SHISA9: variants seen among roughly 807,000 people sequenced by gnomAD.
SHISA9 encodes protein shisa-9.
Under a neutral mutation model 38.0 loss-of-function variants are expected in SHISA9, and 13 were observed. The ratio of observed to expected loss-of-function variants is 0.34; its 90% confidence interval spans 0.22 to 0.54. SHISA9 has a LOEUF of 0.54. Ranked by LOEUF, SHISA9 falls within the 20% of genes least tolerant of loss-of-function variation. The probability of loss-of-function intolerance (pLI) is 0.91; values close to 1 mark genes in which losing one functional copy is unlikely to be tolerated. For missense variants in SHISA9, 538 were observed against 575.8 expected (o/e 0.93, Z 0.67); for synonymous variants, 275 against 242.0 (o/e 1.14, Z -1.27).
At chr16:13,534,261 A>G in the SHISA9 span, among the ~76,000 whole-genome samples, 251 of 117,876 alleles carry the variant, frequency 2.1e-3, 1 homozygote, top group African/African-American at 7.8e-3. Context: ...GTTTTGCTCT[A>G]TTGCCTGAGC....
At chr16:12,946,869 G>C (rs1051697567) in intron 2 of SHISA9, among the ~76,000 whole-genome samples, 24 of 152,216 alleles carry the variant, frequency 1.6e-4, no homozygotes, top group African/African-American at 5.8e-4. Context: ...GGGAATTCCT[G>C]CTTGCCCCCT....
chr16:13,073,725 A>T (rs573819052), intron 2 of SHISA9, among the ~76,000 whole-genome samples: 4 of 152,196 alleles, frequency 2.6e-5, no homozygotes, highest in Non-Finnish European at 5.9e-5. Flanking sequence ...CCTCAAACCA[A>T]TGACAAGTGT....
chr16:13,147,525 G>A (rs910593559), intron 2 of SHISA9, among the ~76,000 whole-genome samples: 17 of 135,706 alleles, frequency 1.3e-4, no homozygotes, highest in South Asian at 7.0e-4. Context: ...GTGCAATGGC[G>A]TGATCTTGGC....
At chr16:13,172,864 A>G (rs2050698992) in intron 2 of SHISA9, among the ~76,000 whole-genome samples, 1 of 150,712 alleles carries the variant, frequency 6.6e-6, no homozygotes, top group African/African-American at 2.4e-5. Flanking sequence ...CGAATAATGT[A>G]TTTTGCTTGT....
chr16:12,970,731 C>T (rs2072070479), intron 2 of SHISA9, among the ~76,000 whole-genome samples: 1 of 150,806 alleles, frequency 6.6e-6, no homozygotes, highest in Admixed American at 6.7e-5. Context: ...ACCGTGTTGG[C>T]CAGGCTGGTC....
chr16:13,560,823 A>G, the SHISA9 span, among the ~76,000 whole-genome samples: 40 of 151,550 alleles, frequency 2.6e-4, no homozygotes, highest in Non-Finnish European at 5.4e-4. Context: ...TCCCAGAACA[A>G]AAACATTGTT....
At chr16:13,374,359 C>G in the SHISA9 span, among the ~76,000 whole-genome samples, 2 of 152,142 alleles carry the variant, frequency 1.3e-5, no homozygotes, top group Non-Finnish European at 2.9e-5. Flanking sequence ...TGTTCCCCAC[C>G]TTGTGTCCAA....
Position 12,982,406 on chromosome 16 carries a change from A to T in SHISA9, c.691+65591A>T, listed in dbSNP as rs568472611. On this transcript the variant is annotated intron_variant, in intron 2 of 4. Transcript: ENST00000558583. ...TCAGAAGGTTCTGTTGGACAGCACT[A>T]CACTAGAATATATTGCCTCTCAAGT... Among the ~76,000 whole-genome samples the T allele has an allele frequency of 7.9e-5, 12 of 152,340 alleles. No individual in the cohort carries two copies. The South Asian group carries it at 2.5e-3, about 32-fold the overall frequency.
downstream of SHISA9, among the ~76,000 whole-genome samples, chr16:13,245,396 A>G (rs920432092): frequency 6.6e-6 from 1 of 152,194 alleles, no homozygotes; most frequent in Non-Finnish European, 1.5e-5. Flanking sequence ...ACTTAGAGCT[A>G]CTTACCTATT....
the SHISA9 span, among the ~76,000 whole-genome samples, chr16:13,381,302 A>G: frequency 2.6e-5 from 4 of 152,210 alleles, no homozygotes; most frequent in African/African-American, 9.6e-5. Context: ...TGGAACTAAT[A>G]ACCAGTAGAA....
At chr16:13,144,507 G>C (rs2050430201) in intron 2 of SHISA9, among the ~76,000 whole-genome samples, 1 of 151,986 alleles carries the variant, frequency 6.6e-6, no homozygotes, top group African/African-American at 2.4e-5. Context: ...TGTATTCAGT[G>C]GGTAATTTGG....
At chr16:13,233,813 C>G (rs2051355117) in intron 4 of SHISA9, among the ~76,000 whole-genome samples, 1 of 152,124 alleles carries the variant, frequency 6.6e-6, no homozygotes, top group Non-Finnish European at 1.5e-5. Context: ...GAGTTCAAGA[C>G]CAGCCTGGGC....
intron 2 of SHISA9, among the ~76,000 whole-genome samples, chr16:13,089,346 C>T (rs1477755357): frequency 6.6e-6 from 1 of 152,162 alleles, no homozygotes. Context: ...CCCTCTTTTT[C>T]TATTGACTGG....
the SHISA9 span, among the ~76,000 whole-genome samples, chr16:13,410,233 A>G: frequency 6.6e-6 from 1 of 152,182 alleles, no homozygotes. Context: ...GAGGAGTTAA[A>G]CATTCTCATG....
At chr16:13,114,401 G>A (rs2074009731) in intron 2 of SHISA9, among the ~76,000 whole-genome samples, 1 of 148,122 alleles carries the variant, frequency 6.8e-6, no homozygotes, top group African/African-American at 2.5e-5. Context: ...AGTAGGCGGA[G>A]CTTGCAGTGA....
chr16:13,122,577 C>T (rs1192710938), intron 2 of SHISA9, among the ~76,000 whole-genome samples: 1 of 152,044 alleles, frequency 6.6e-6, no homozygotes, highest in African/African-American at 2.4e-5. Context: ...GTTATTCAAC[C>T]CCAGTTTTCT....
chr16:13,024,274 C>G (rs1469848049), intron 2 of SHISA9, among the ~76,000 whole-genome samples: 1 of 152,208 alleles, frequency 6.6e-6, no homozygotes, highest in Non-Finnish European at 1.5e-5. Flanking sequence ...AGGGAGGGAC[C>G]AAGCCCAGAA....
At chr16:13,105,137 A>G (rs916581270) in intron 2 of SHISA9, among the ~76,000 whole-genome samples, 2 of 152,238 alleles carry the variant, frequency 1.3e-5, no homozygotes, top group Admixed American at 6.5e-5. Flanking sequence ...TATACGCTCA[A>G]TAAAAGTTAA....
At chr16:13,142,437 T>C (rs572542890) in intron 2 of SHISA9, among the ~76,000 whole-genome samples, 8 of 152,192 alleles carry the variant, frequency 5.3e-5, no homozygotes, top group African/African-American at 1.9e-4. Context: ...TCTGGCTAGA[T>C]GCAGGTAATC....
Sources: gnomAD v4.1 joint callset for allele counts (sites outside exome capture counted in the v4.1 genomes callset) on GRCh38, gnomAD v4.1.1 for gene constraint, MANE v1.5 for transcripts, NCBI Gene and HGNC (gene_info 2026-07-23, HGNC 2026-07-21) for gene names.